CNTNAP2: variants seen among roughly 807,000 people sequenced by gnomAD.
The protein encoded by CNTNAP2 is contactin associated protein 2.
CNTNAP2 carries 98 observed loss-of-function variants against 155.2 expected under a neutral mutation model. The ratio of observed to expected loss-of-function variants is 0.63; its 90% CI spans 0.54 to 0.75. The LOEUF (loss-of-function observed/expected upper bound fraction) is 0.75. Among genes scored for constraint, CNTNAP2 ranks in the 30% least tolerant of loss-of-function variants. CNTNAP2 has a pLI of 0.00. For missense variants in CNTNAP2, 1,727 were observed against 1,688.1 expected (o/e 1.02, Z -0.40); for synonymous variants, 651 against 631.2 (o/e 1.03, Z -0.47).
At chr7:147,100,483 T>C (rs558881363) in intron 4 of CNTNAP2, among the ~76,000 whole-genome samples, 39 of 152,344 alleles carry the variant, frequency 2.6e-4, no homozygotes, top group Non-Finnish European at 4.7e-4. Flanking sequence ...TGCAAGTTCC[T>C]CATTAATGCA....
intron 1 of CNTNAP2, among the ~76,000 whole-genome samples, chr7:146,370,468 T>A (rs1795219255): frequency 6.6e-6 from 1 of 151,768 alleles, no homozygotes; most frequent in Non-Finnish European, 1.5e-5. Context: ...AAAAAACATT[T>A]TTCCTTAATG....
At chr7:146,513,476 G>A (rs1400713098) in intron 1 of CNTNAP2, among the ~76,000 whole-genome samples, 1 of 151,708 alleles carries the variant, frequency 6.6e-6, no homozygotes, top group Non-Finnish European at 1.5e-5. Flanking sequence ...ATACCATGAA[G>A]CTTATAAAAA....
Position 148,300,438 on chromosome 7 carries a change from A to G in CNTNAP2, c.3475+33312A>G, listed in dbSNP as rs950623141. Among the ~76,000 whole-genome samples the G allele has an allele frequency of 7.9e-5, 12 of 152,248 alleles. 1 individual carries two copies. The highest frequency in any genetic ancestry group is 2.9e-4 in the African/African-American group (12 of 41,466). On this transcript the variant is annotated intron_variant, in intron 21 of 23. Coordinates refer to ENST00000361727, the MANE Select transcript of CNTNAP2 (RefSeq NM_014141.6). ...AGAGCATCAGCATATGAACTATATTACAGAAAGGATAGTCTTTTGTTTCAT... is the reference window on the plus strand; with the variant it reads ...AGAGCATCAGCATATGAACTATATTGCAGAAAGGATAGTCTTTTGTTTCAT...
At chr7:147,257,022 AGT>A (rs1032745491) in intron 8 of CNTNAP2, among the ~76,000 whole-genome samples, 117 of 152,288 alleles carry the variant, frequency 7.7e-4, no homozygotes, top group African/African-American at 2.6e-3. Flanking sequence ...ACGTGGACTA[AGT>A]GAGAGAATTT....
chr7:146,358,327 C>T (rs1361036051), intron 1 of CNTNAP2, among the ~76,000 whole-genome samples: 1 of 152,260 alleles, frequency 6.6e-6, no homozygotes, highest in Non-Finnish European at 1.5e-5. Context: ...AGCCACCTCG[C>T]CTGGCCTGGG....
chr7:146,897,251 C>A (rs1795896772), intron 3 of CNTNAP2, among the ~76,000 whole-genome samples: 1 of 152,186 alleles, frequency 6.6e-6, no homozygotes, highest in African/African-American at 2.4e-5. Flanking sequence ...ACTTGTCTGA[C>A]ATTTAAGTTG....
chr7:146,218,650 C>A (rs1292154214), intron 1 of CNTNAP2, among the ~76,000 whole-genome samples: 2 of 152,140 alleles, frequency 1.3e-5, no homozygotes, highest in East Asian at 3.9e-4. Context: ...GTACTACTTG[C>A]TGACAACCAA....
At chr7:147,049,036 C>T (rs1403654292) in intron 4 of CNTNAP2, among the ~76,000 whole-genome samples, 3 of 152,168 alleles carry the variant, frequency 2.0e-5, no homozygotes, top group Non-Finnish European at 4.4e-5. Flanking sequence ...TATTTCTTAC[C>T]GTTCTGGAGG....
chr7:147,219,942 A>ATT (rs34947567), intron 8 of CNTNAP2, among the ~76,000 whole-genome samples: 3,377 of 122,968 alleles, frequency 0.027, 53 homozygotes, highest in Non-Finnish European at 0.033. Context: ...CGCCCAGCTA[A>ATT]TTTTTTTTTT....
chr7:146,605,765 G>T (rs2129152869), intron 1 of CNTNAP2, among the ~76,000 whole-genome samples: 1 of 152,258 alleles, frequency 6.6e-6, no homozygotes, highest in South Asian at 2.1e-4. Flanking sequence ...AACTGGCATA[G>T]TGATACGACT....
intron 1 of CNTNAP2, among the ~76,000 whole-genome samples, chr7:146,411,903 C>T (rs1201643693): frequency 6.6e-6 from 1 of 151,600 alleles, no homozygotes; most frequent in Non-Finnish European, 1.5e-5. Context: ...ATGGCATGAT[C>T]TCAGCTCACT....
rs535094195 is a variant in CNTNAP2, at chr7:148,405,603, ATTTTTTTTTTTT to A, written c.3716-3766_3716-3755del. ...AGGCACGTGCCACCATGCACAGCTA[ATTTTTTTTTTTT>A]TTTTTTTTTTTTTTTTTTTTTGAGA... On this transcript the variant is annotated intron_variant, in intron 22 of 23. Coordinates refer to ENST00000361727, the MANE Select transcript of CNTNAP2 (RefSeq NM_014141.6). Among the ~76,000 whole-genome samples the A allele has an allele frequency of 7.1e-3, 261 of 36,826 alleles. 1 individual carries two copies. Among genetic ancestry groups the A allele is most frequent in the Admixed American group, 0.016 (34 of 2,156 alleles). 24.2% of individuals were successfully genotyped at this position (36,826 alleles called of 152,430 possible).
At chr7:147,315,510 C>G (rs1321734751) in intron 9 of CNTNAP2, among the ~76,000 whole-genome samples, 3 of 131,386 alleles carry the variant, frequency 2.3e-5, no homozygotes, top group African/African-American at 8.6e-5. Flanking sequence ...GAGACAGAGT[C>G]TTGCTCTGTC....
chr7:146,917,588 G>T (rs553691990), intron 3 of CNTNAP2, among the ~76,000 whole-genome samples: 1 of 152,066 alleles, frequency 6.6e-6, no homozygotes, highest in African/African-American at 2.4e-5. Context: ...ATATGGTTTG[G>T]CTGTGCCCCC....
chr7:148,109,673 C>T (rs376668082), intron 15 of CNTNAP2, among the ~76,000 whole-genome samples: 1,561 of 152,190 alleles, frequency 0.01, 17 homozygotes, highest in South Asian at 0.044. Flanking sequence ...CGTTGAGATT[C>T]TATTTCTGTA....
intron 20 of CNTNAP2, among the ~76,000 whole-genome samples, chr7:148,258,707 G>A (rs965099190): frequency 6.6e-6 from 1 of 152,064 alleles, no homozygotes; most frequent in Non-Finnish European, 1.5e-5. Flanking sequence ...CTTCAGCCTT[G>A]GGCTTCAACT....
At chr7:147,049,882 T>C (rs1799440699) in intron 4 of CNTNAP2, among the ~76,000 whole-genome samples, 1 of 152,190 alleles carries the variant, frequency 6.6e-6, no homozygotes, top group Non-Finnish European at 1.5e-5. Context: ...GATCACTTTG[T>C]CATCTGAGAA....
chr7:147,736,916 C>T (rs572082138), intron 13 of CNTNAP2, among the ~76,000 whole-genome samples: 4 of 152,244 alleles, frequency 2.6e-5, no homozygotes, highest in South Asian at 4.1e-4. Flanking sequence ...TCTAGTTAGC[C>T]GTTTGTCAAA....
chr7:147,384,266 T>C (rs1796591760), intron 9 of CNTNAP2, among the ~76,000 whole-genome samples: 1 of 152,214 alleles, frequency 6.6e-6, no homozygotes, highest in Non-Finnish European at 1.5e-5. Flanking sequence ...AAGAGTAAAG[T>C]ATATATTACA....
Sources: gnomAD v4.1 joint callset for allele counts (sites outside exome capture counted in the v4.1 genomes callset) on GRCh38, gnomAD v4.1.1 for gene constraint, MANE v1.5 for transcripts, NCBI Gene and HGNC (gene_info 2026-07-23, HGNC 2026-07-21) for gene names.